LRRC43: variants seen among roughly 807,000 people sequenced by gnomAD.
LRRC43 encodes leucine-rich repeat-containing protein 43.
LRRC43 carries 62 observed loss-of-function variants against 64.3 expected under a neutral mutation model. The observed-to-expected ratio is 0.96, with a 90% CI of 0.79 to 1.19. LRRC43 has a LOEUF of 1.19. LRRC43 is among the 50% of genes most tolerant of loss of function. The probability of loss-of-function intolerance (pLI) is 0.00; values close to 1 mark genes in which losing one functional copy is unlikely to be tolerated. For synonymous variants in LRRC43, 422 were observed against 382.3 expected, an observed-to-expected ratio of 1.10 and a Z score of -1.21; for missense variants, 868 against 845.0, an observed-to-expected ratio of 1.03 and a Z score of -0.34.
Position 122,203,387 on chromosome 12 carries a change from T to C in LRRC43, c.1916T>C (p.Ile639Thr). Residue 639 changes from isoleucine (I) to threonine (T), a missense_variant, in exon 12 of 12, where the codon ATC (isoleucine) becomes ACC (threonine). Transcript: ENST00000339777. ...GAGCCCCTGACCGTAGAGGTGCAGA[T>C]CCAGCTGAACCAGTGCCGCTCGGCG... is the stretch of plus-strand genomic sequence containing the variant. ...HPEPLTVEVQ[I>T]QLNQCRSAEE... The C allele has an allele frequency of 6.2e-7, 1 of 1,613,232 alleles. No individual in the cohort carries two copies. The highest frequency in any genetic ancestry group is 8.5e-7 in the Non-Finnish European group (1 of 1,179,852).
intron 2 of LRRC43, among the ~76,000 whole-genome samples, chr12:122,185,829 C>T (rs1953637204): frequency 6.6e-6 from 1 of 152,176 alleles, no homozygotes; most frequent in Non-Finnish European, 1.5e-5. Context: ...TCGGACCCTG[C>T]TCTGGGTGAT....
At position 122,183,306 on chromosome 12, in the gene LRRC43, G is replaced by A. The variant is rs998438562; in HGVS notation, c.150+12G>A. The A allele has an allele frequency of 6.7e-7, 1 of 1,488,624 alleles. No individual in the cohort carries two copies. The highest frequency in any genetic ancestry group is 8.8e-7 in the Non-Finnish European group (1 of 1,132,954). 92.2% of individuals were successfully genotyped at this position (1,488,624 alleles called of 1,614,324 possible). On this transcript the variant is annotated intron_variant, in intron 1 of 11. Coordinates refer to ENST00000339777, the MANE Select transcript of LRRC43 (RefSeq NM_001098519.2). ...GTGCCGGCAGCTGGGTGCGGGCGCC[G>A]GGGCCGGAACTCTGGGGGCCTGGAC...
rs56698669 is a variant in LRRC43 at position 122,177,812 on chromosome 12, TTTTA to T, written c.-405-6672_-405-6669del. The stretch of plus-strand genomic sequence containing the variant: ...CCACTGCGCCTGGCCACCTTTGTGG[TTTTA>T]TTTATTTATTTATTTATTTATTTAT... On this transcript the variant is annotated intron_variant, in intron 1 of 5. Transcript: ENST00000537729. 3.6e-3 allele frequency among the ~76,000 whole-genome samples: 504 copies of T among 138,474 alleles called. 2 individuals carry two copies. Among genetic ancestry groups the T allele is most frequent in the African/African-American group, 0.011 (399 of 37,388 alleles). The allele number at this position is 138,474 out of a possible 152,430, so 90.8% of individuals were successfully genotyped here.
At chr12:122,203,246 G>C in intron 11 of LRRC43, 69 bp from the exon 12 acceptor site, 1 of 1,574,550 alleles carries the variant, frequency 6.4e-7, no homozygotes, top group Non-Finnish European at 8.6e-7. Flanking sequence ...ATATGGGATG[G>C]GTCAGGGCGG....
intron 1 of LRRC43, among the ~76,000 whole-genome samples, chr12:122,173,236 C>T (rs1208840864): frequency 6.6e-6 from 1 of 152,170 alleles, no homozygotes; most frequent in African/African-American, 2.4e-5. Flanking sequence ...TTGCCAGCAG[C>T]ACCTCATCAA....
rs1593155297 is a variant in LRRC43 at position 122,200,250 on chromosome 12, A to G, written c.1411A>G (p.Met471Val). Residue 471 changes from methionine to valine, a missense_variant, in exon 8 of 12, where the codon ATG becomes GTG. Met to Val is a conservative substitution (Grantham distance 21, BLOSUM62 1). Coordinates refer to ENST00000339777, the MANE Select transcript of LRRC43 (RefSeq NM_001098519.2). This position sits in a 1 kb window ranked among gnomAD's most constrained non-coding sequence, Gnocchi z 4.6. ...TGAGGTCATCCCCTGCAGTTACGAG[A>G]TGCAGCACTCTCTCAGGGACCTGGT... ...WAEVIPCSYE[M>V]QHSLRDLVPL... is the part of the protein sequence containing the mutation. 5 of 1,613,742 alleles carry G rather than the reference A, an allele frequency of 3.1e-6. No individual in the cohort carries two copies. Among genetic ancestry groups the G allele is most frequent in the Non-Finnish European group, 4.2e-6 (5 of 1,179,932 alleles).
intron 5 of LRRC43, among the ~76,000 whole-genome samples, chr12:122,191,091 G>C (rs887851697): frequency 1.3e-5 from 2 of 152,220 alleles, no homozygotes; most frequent in Non-Finnish European, 2.9e-5. Context: ...TGCACCGGAG[G>C]CTTCTCCAGG....
intron 4 of LRRC43, among the ~76,000 whole-genome samples, chr12:122,188,843 G>A (rs1662609340): frequency 6.6e-6 from 1 of 152,304 alleles, no homozygotes; most frequent in Admixed American, 6.5e-5. Flanking sequence ...GGGATATTGA[G>A]CAGCATACCT....
chr12:122,169,182 A>T (rs1432846330), intron 1 of LRRC43, among the ~76,000 whole-genome samples: 3 of 152,174 alleles, frequency 2.0e-5, no homozygotes, highest in Non-Finnish European at 2.9e-5. Flanking sequence ...CTTCAAGATG[A>T]GGGAAGTTAA....
chr12:122,191,825 T>C (rs972889744), intron 6 of LRRC43, among the ~76,000 whole-genome samples: 5 of 152,030 alleles, frequency 3.3e-5, no homozygotes, highest in African/African-American at 1.2e-4. Flanking sequence ...AGCTAATTTT[T>C]GTATTTTTAG....
At chr12:122,186,447 G>T in intron 3 of LRRC43, 147 bp downstream of exon 3, 1 of 608,856 alleles carries the variant, frequency 1.6e-6, no homozygotes. Context: ...TCCTAGAAAA[G>T]TTCAACATAG....
intron 3 of LRRC43, 122 bp from the exon 4 acceptor site, chr12:122,187,579 G>C: frequency 1.4e-5 from 10 of 734,922 alleles, no homozygotes; most frequent in Non-Finnish European, 2.1e-5. Context: ...GTGGTGCCAG[G>C]GAGGCCAGGT....
intron 1 of LRRC43, among the ~76,000 whole-genome samples, chr12:122,176,966 A>G (rs974098033): frequency 6.6e-6 from 1 of 151,856 alleles, no homozygotes; most frequent in Non-Finnish European, 1.5e-5. Context: ...GCCAGCCACC[A>G]CTGACTTTTT....
intron 3 of LRRC43, 135 bp from the exon 4 acceptor site, chr12:122,187,566 G>A (rs773196895): frequency 3.5e-5 from 22 of 627,744 alleles, no homozygotes; most frequent in Admixed American, 9.4e-5. Context: ...AAAGGGAGTC[G>A]GGGTGGTGCC....
rs190361433 is a variant in LRRC43 at position 122,201,806 on chromosome 12, A to C, written c.1843+477A>C. 3.9e-5 allele frequency among the ~76,000 whole-genome samples: 6 copies of C among 152,306 alleles called. No homozygotes were observed. The East Asian group carries it at 1.2e-3, about 29-fold the overall frequency. ...GTGGCTGCAAAAAGCATGAGGCCCG[A>C]TCATAGCAGAGCAACCCATCATACT... On this transcript the variant is annotated intron_variant, in intron 11 of 11. Transcript: ENST00000339777.
At chr12:122,167,727 T>C (rs1459118749), upstream of LRRC43, 1 of 152,208 alleles carries the variant, frequency 6.6e-6, no homozygotes, top group Non-Finnish European at 1.5e-5. Context: ...AGATATTCTG[T>C]CTGTGCTATC....
In LRRC43 at chr12:122,200,822, G is replaced by C; in HGVS notation, c.1697G>C (p.Gly566Ala). The change falls in exon 10 of 12, where the codon GGC becomes GCC. Residue 566 changes from glycine to alanine, a missense_variant. Coordinates refer to ENST00000339777, the MANE Select transcript of LRRC43 (RefSeq NM_001098519.2). This position sits in a 1 kb window ranked among gnomAD's most constrained non-coding sequence, Gnocchi z 4.6. ...RQDPPILQVL[G>A]RGLVILEPLL... ...GACCCCCCCATCCTCCAGGTGCTGG[G>C]CCGGGGCCTGGTGATCCTGGAGCCC... 1 of 1,613,164 alleles carries C rather than the reference G, an allele frequency of 6.2e-7. No individual in the cohort carries two copies. Among genetic ancestry groups the C allele is most frequent in the Non-Finnish European group, 8.5e-7 (1 of 1,180,010 alleles).
rs376842325 is a variant in LRRC43, at chr12:122,169,169, C to T, written c.-406+1387C>T. 5.3e-5 allele frequency among the ~76,000 whole-genome samples: 8 copies of T among 152,268 alleles called. No homozygotes were observed. In the East Asian group the frequency reaches 7.7e-4, roughly 15 times the overall value. On this transcript the variant is annotated intron_variant, in intron 1 of 5. Transcript: ENST00000537729. ...TAGAAGGGAGTCACCAAGTCCCACC[C>T]GCCTTCAAGATGAGGGAAGTTAAGC...
chr12:122,183,037 G>C (rs763935725), upstream of LRRC43: 16 of 1,432,762 alleles, frequency 1.1e-5, no homozygotes, highest in Non-Finnish European at 1.4e-5. Context: ...GGGCCAGGCT[G>C]TCTGATCCGG....
Sources: allele counts gnomAD v4.1 joint callset (sites outside exome capture counted in the v4.1 genomes callset), GRCh38; gene constraint gnomAD v4.1.1; non-coding constraint Gnocchi (gnomAD v3.1); transcripts MANE v1.5; gene names NCBI Gene and HGNC (gene_info 2026-07-23, HGNC 2026-07-21).